SPRYD4: variants seen among roughly 807,000 people sequenced by gnomAD.
SPRYD4 encodes SPRY domain-containing protein 4.
SPRYD4 carries 12 observed loss-of-function variants against 16.6 expected under a neutral mutation model. That is an observed-to-expected ratio of 0.72 (90% CI 0.46 to 1.17). The LOEUF is 1.17. Ranked by LOEUF, SPRYD4 falls within the 50% of genes most tolerant of loss-of-function variation. The pLI is 0.00. For synonymous variants in SPRYD4, 98 were observed against 105.4 expected (o/e 0.93, Z 0.43); for missense variants, 260 against 260.2 (o/e 1.00, Z 0.00).
In SPRYD4 at chr12:56,471,941, T is replaced by G; in HGVS notation, c.*2364T>G. On this transcript the variant is annotated 3_prime_UTR_variant, in exon 2 of 2. Coordinates refer to ENST00000338146, the MANE Select transcript of SPRYD4 (RefSeq NM_207344.4). ...TACCAAGAGGGGAGGGGAAAAGGCC[T>G]CTTCCCATTTTGTACCCTGCAGCAC... is the stretch of plus-strand genomic sequence containing the variant. The G allele has an allele frequency of 7.4e-7, 1 of 1,350,398 alleles. No homozygotes were observed. The highest frequency in any genetic ancestry group is 1.1e-6 in the Non-Finnish European group (1 of 944,950). The allele number at this position is 1,350,398 out of a possible 1,614,324, so 83.7% of individuals were successfully genotyped here. A position where few individuals can be genotyped will look rare whatever the true frequency, so the allele number is the denominator to read the frequency against.
Position 56,473,077 on chromosome 12 carries a change from G to T in SPRYD4, c.*3500G>T, listed in dbSNP as rs1869452687. 4 of 705,968 alleles carry T rather than the reference G, an allele frequency of 5.7e-6. No homozygotes were observed. Among genetic ancestry groups the T allele is most frequent in the Non-Finnish European group, 9.4e-6 (4 of 425,556 alleles). 43.7% of individuals were successfully genotyped at this position (705,968 alleles called of 1,614,324 possible). On this transcript the variant is annotated 3_prime_UTR_variant, in exon 2 of 2. Transcript: ENST00000338146. ...GCTAATTTTTTGTATTTTCAATAGAGACCAGGTTTCACCGTGTTAGCCAGG... is the reference window on the plus strand; with the variant it reads ...GCTAATTTTTTGTATTTTCAATAGATACCAGGTTTCACCGTGTTAGCCAGG...
chr12:56,470,645 A>C lies in SPRYD4; in HGVS notation c.*1068A>C, dbSNP rs1003160316. On this transcript the variant is annotated 3_prime_UTR_variant, in exon 2 of 2. Transcript: ENST00000338146. ...CGGCCAAAACTGTTTATTCTTGAGA[A>C]GTTCCATCTTCATTTCTGCCACAGT... The C allele has an allele frequency of 1.3e-5, 2 of 152,218 alleles. No homozygotes were observed. The highest frequency in any genetic ancestry group is 3.9e-4 in the East Asian group (2 of 5,190). The allele number at this position is 152,218 out of a possible 1,614,324, so 9.4% of individuals were successfully genotyped here.
Position 56,472,047 on chromosome 12 carries a change from T to C in SPRYD4, c.*2470T>C. On this transcript the variant is annotated 3_prime_UTR_variant, in exon 2 of 2. Transcript: ENST00000338146. ...CCTATAACCTTGAGGGCACATATAA[T>C]GAAGGTACTTTTGGTGAAAAAGAAA... The C allele has an allele frequency of 2.0e-6, 3 of 1,526,430 alleles. No homozygotes were observed. The highest frequency in any genetic ancestry group is 1.1e-5 in the South Asian group (1 of 87,704). 94.6% of individuals were successfully genotyped at this position (1,526,430 alleles called of 1,614,324 possible).
At position 56,472,004 on chromosome 12, in the gene SPRYD4, A is replaced by C; in HGVS notation, c.*2427A>C. 7.5e-7 allele frequency: 1 copy of C among 1,327,126 alleles called. No homozygotes were observed. The highest frequency in any genetic ancestry group is 1.1e-6 in the Non-Finnish European group (1 of 932,000). 82.2% of individuals were successfully genotyped at this position (1,327,126 alleles called of 1,614,324 possible). On this transcript the variant is annotated 3_prime_UTR_variant, in exon 2 of 2. Coordinates refer to ENST00000338146, the MANE Select transcript of SPRYD4 (RefSeq NM_207344.4). The stretch of plus-strand genomic sequence containing the variant: ...TAGCTGCAAACCGAAGGGTGTCTAG[A>C]TAAAACTAGTTGCTGCCCCTATAAC...
Position 56,475,531 on chromosome 12 carries a change from A to G in SPRYD4, c.*5954A>G, listed in dbSNP as rs1869727864. 2.3e-6 allele frequency: 3 copies of G among 1,327,574 alleles called. No individual in the cohort carries two copies. The highest frequency in any genetic ancestry group is 1.5e-5 in the African/African-American group (1 of 68,434). The allele number at this position is 1,327,574 out of a possible 1,614,324, so 82.2% of individuals were successfully genotyped here. On this transcript the variant is annotated 3_prime_UTR_variant, in exon 2 of 2. Coordinates refer to ENST00000338146, the MANE Select transcript of SPRYD4 (RefSeq NM_207344.4). Reference sequence around the variant, plus strand: ...AGTTCCCCTGGGATTTCTTCCTCCTAAGATTCTCTCTCCCCCATTCCTCTT... The same window carrying G: ...AGTTCCCCTGGGATTTCTTCCTCCTGAGATTCTCTCTCCCCCATTCCTCTT...
chr12:56,474,272 A>T lies in SPRYD4; in HGVS notation c.*4695A>T. ...CCCCGGCTAATTTTTTGTATTTAGT[A>T]GAGATGGGGTTTCACCATGTAGGTC... On this transcript the variant is annotated 3_prime_UTR_variant, in exon 2 of 2. Coordinates refer to ENST00000338146, the MANE Select transcript of SPRYD4 (RefSeq NM_207344.4). The T allele has an allele frequency of 2.4e-6, 1 of 416,162 alleles. No homozygotes were observed. Among genetic ancestry groups the T allele is most frequent in the South Asian group, 2.2e-5 (1 of 46,292 alleles). 25.8% of individuals were successfully genotyped at this position (416,162 alleles called of 1,614,324 possible).
At position 56,479,432 on chromosome 12, in the gene SPRYD4, G is replaced by A. The variant is rs1870108047; in HGVS notation, c.*9855G>A. ...AAAAAAATAAATACCAGAATAATATGTATGTATGTTACCTTGATATTTAAA... is the reference window on the plus strand; with the variant it reads ...AAAAAAATAAATACCAGAATAATATATATGTATGTTACCTTGATATTTAAA... On this transcript the variant is annotated 3_prime_UTR_variant, in exon 2 of 2. Transcript: ENST00000338146. 5 of 443,288 alleles carry A rather than the reference G, an allele frequency of 1.1e-5. No individual in the cohort carries two copies. The highest frequency in any genetic ancestry group is 4.7e-5 in the South Asian group (1 of 21,326). 27.5% of individuals were successfully genotyped at this position (443,288 alleles called of 1,614,324 possible).
Position 56,472,358 on chromosome 12 carries a change from T to G in SPRYD4, c.*2781T>G. The G allele has an allele frequency of 1.6e-6, 1 of 635,552 alleles. No homozygotes were observed. The highest frequency in any genetic ancestry group is 2.8e-6 in the Non-Finnish European group (1 of 361,896). The allele number at this position is 635,552 out of a possible 1,614,324, so 39.4% of individuals were successfully genotyped here. ...TCTTTTTTCCATATCCAGATGAGAC[T>G]GTTATACTCATATTAGAGAGATGGG... On this transcript the variant is annotated 3_prime_UTR_variant, in exon 2 of 2. Coordinates refer to ENST00000338146, the MANE Select transcript of SPRYD4 (RefSeq NM_207344.4).
In SPRYD4 at chr12:56,471,868, G is replaced by A. The variant is rs1450695565; in HGVS notation, c.*2291G>A. ...ATATGGGCAGAAGGAAAATGAGAAG[G>A]CGCAGGTCTTGAACCCTTTGGTGCA... is the stretch of plus-strand genomic sequence containing the variant. On this transcript the variant is annotated 3_prime_UTR_variant, in exon 2 of 2. Coordinates refer to ENST00000338146, the MANE Select transcript of SPRYD4 (RefSeq NM_207344.4). 21 of 1,607,574 alleles carry A rather than the reference G, an allele frequency of 1.3e-5. No individual in the cohort carries two copies. The highest frequency in any genetic ancestry group is 1.8e-5 in the Non-Finnish European group (21 of 1,174,942).
chr12:56,468,936 C>G (rs138855722), intron 1 of SPRYD4, 103 bp from the exon 2 acceptor site: 29,898 of 1,403,186 alleles, frequency 0.021, 446 homozygotes, highest in Non-Finnish European at 0.027. Context: ...TGACTCTTCC[C>G]TAGTTGCTCG....
In SPRYD4 at chr12:56,477,583, G is replaced by T; in HGVS notation, c.*8006G>T. 7.0e-7 allele frequency: 1 copy of T among 1,435,638 alleles called. No homozygotes were observed. Among genetic ancestry groups the T allele is most frequent in the Non-Finnish European group, 9.6e-7 (1 of 1,039,780 alleles). The allele number at this position is 1,435,638 out of a possible 1,614,324, so 88.9% of individuals were successfully genotyped here. On this transcript the variant is annotated 3_prime_UTR_variant, in exon 2 of 2. Coordinates refer to ENST00000338146, the MANE Select transcript of SPRYD4 (RefSeq NM_207344.4). ...AGAGCCCCACCAGTCTCCCTGGAGA[G>T]CTGAACAAATATGAGGGATACAGGA...
In SPRYD4 at chr12:56,469,390, G is replaced by T. The variant is rs1869141430; in HGVS notation, c.437G>T (p.Gly146Val). The T allele has an allele frequency of 6.2e-7, 1 of 1,614,118 alleles. No individual in the cohort carries two copies. Among genetic ancestry groups the T allele is most frequent in the South Asian group, 1.1e-5 (1 of 91,062 alleles). ...GAGAAAGCCCCAGTTGAGGGTATTG[G>T]GCAGCCAGAGAAGGTGGGGCTGTTG... The part of the protein sequence containing the change: ...ANEKAPVEGI[G>V]QPEKVGLLLE... The change falls in exon 2 of 2, where the codon GGG (glycine) becomes GTG (valine). Residue 146 changes from glycine (G) to valine (V), a missense_variant. Coordinates refer to ENST00000338146, the MANE Select transcript of SPRYD4 (RefSeq NM_207344.4).
Position 56,475,324 on chromosome 12 carries a change from A to T in SPRYD4, c.*5747A>T, listed in dbSNP as rs1869709453. Reference sequence around the variant, plus strand: ...AAAGTAAACCCAAACCAAACACCCCAAACTGTCTAGTCATCTAGGAAAACT... The same window carrying T: ...AAAGTAAACCCAAACCAAACACCCCTAACTGTCTAGTCATCTAGGAAAACT... On this transcript the variant is annotated 3_prime_UTR_variant, in exon 2 of 2. Transcript: ENST00000338146. The T allele has an allele frequency of 7.9e-7, 1 of 1,270,726 alleles. No individual in the cohort carries two copies. The highest frequency in any genetic ancestry group is 1.5e-5 in the South Asian group (1 of 66,916). The allele number at this position is 1,270,726 out of a possible 1,614,324, so 78.7% of individuals were successfully genotyped here. A position where few individuals can be genotyped will look rare whatever the true frequency, so the allele number is the denominator to read the frequency against.
Position 56,469,339 on chromosome 12 carries a change from G to T in SPRYD4, c.386G>T (p.Arg129Leu). The T allele has an allele frequency of 6.2e-7, 1 of 1,614,168 alleles. No homozygotes were observed. Among genetic ancestry groups the T allele is most frequent in the Non-Finnish European group, 8.5e-7 (1 of 1,180,026 alleles). ...DRSWVFTYAQ[R>L]KWYTMLANEK... ...TCCTGGGTGTTCACCTATGCCCAGC[G>T]CAAGTGGTACACCATGTTGGCCAAC... The change falls in exon 2 of 2, where the codon CGC becomes CTC. Residue 129 changes from arginine (R) to leucine (L), a missense_variant. Arg to Leu is a moderately radical substitution (Grantham distance 102). Transcript: ENST00000338146.
In SPRYD4 at chr12:56,478,085, C is replaced by T; in HGVS notation, c.*8508C>T. 1 of 1,613,884 alleles carries T rather than the reference C, an allele frequency of 6.2e-7. No homozygotes were observed. Among genetic ancestry groups the T allele is most frequent in the Non-Finnish European group, 8.5e-7 (1 of 1,179,844 alleles). ...CAGGCAGAAGGGGATCTTTGTGTGG[C>T]CCACAGAGTGCCTGGAGGCAGACAG... On this transcript the variant is annotated 3_prime_UTR_variant, in exon 2 of 2. Coordinates refer to ENST00000338146, the MANE Select transcript of SPRYD4 (RefSeq NM_207344.4).
At position 56,472,294 on chromosome 12, in the gene SPRYD4, G is replaced by T. The variant is rs560750300; in HGVS notation, c.*2717G>T. The T allele has an allele frequency of 9.1e-7, 1 of 1,093,542 alleles. No individual in the cohort carries two copies. Among genetic ancestry groups the T allele is most frequent in the South Asian group, 1.3e-5 (1 of 77,152 alleles). 67.7% of individuals were successfully genotyped at this position (1,093,542 alleles called of 1,614,324 possible). A position where few individuals can be genotyped will look rare whatever the true frequency, so the allele number is the denominator to read the frequency against. The stretch of plus-strand genomic sequence containing the variant: ...TCAGACTGGATGAGTTTCAGAGAAA[G>T]TGAAACAGCCTATAGCCAGATTTGT... On this transcript the variant is annotated 3_prime_UTR_variant, in exon 2 of 2. Coordinates refer to ENST00000338146, the MANE Select transcript of SPRYD4 (RefSeq NM_207344.4).
In SPRYD4 at chr12:56,477,807, T is replaced by A; in HGVS notation, c.*8230T>A. ...ACTTTGTGGGTTAGACAAGAAAGAC[T>A]GCTAGGGAGAAAGGCATGACAGGGC... On this transcript the variant is annotated 3_prime_UTR_variant, in exon 2 of 2. Coordinates refer to ENST00000338146, the MANE Select transcript of SPRYD4 (RefSeq NM_207344.4). 6.5e-7 allele frequency: 1 copy of A among 1,545,234 alleles called. No individual in the cohort carries two copies. The highest frequency in any genetic ancestry group is 1.2e-5 in the South Asian group (1 of 84,578).
At position 56,475,899 on chromosome 12, in the gene SPRYD4, TGCCATGGCGAAATGCA is replaced by T; in HGVS notation, c.*6327_*6342del. 6.2e-7 allele frequency: 1 copy of T among 1,606,872 alleles called. No homozygotes were observed. Among genetic ancestry groups the T allele is most frequent in the Non-Finnish European group, 8.5e-7 (1 of 1,173,670 alleles). On this transcript the variant is annotated 3_prime_UTR_variant, in exon 2 of 2. Coordinates refer to ENST00000338146, the MANE Select transcript of SPRYD4 (RefSeq NM_207344.4). ...ACTGGGGCAGCTGGAGAGGACAGCA[TGCCATGGCGAAATGCA>T]GCCAGGGGCTAAGTAGCAAGGGAAC...
At position 56,475,250 on chromosome 12, in the gene SPRYD4, T is replaced by C. The variant is rs569289090; in HGVS notation, c.*5673T>C. ...CCCTTTATAACTTCTCACAGTAATA[T>C]TAGAGGAAATTTCTGAACCTGAGCA... is the stretch of plus-strand genomic sequence containing the variant. On this transcript the variant is annotated 3_prime_UTR_variant, in exon 2 of 2. Coordinates refer to ENST00000338146, the MANE Select transcript of SPRYD4 (RefSeq NM_207344.4). The C allele has an allele frequency of 1.8e-4, 277 of 1,571,410 alleles. No individual in the cohort carries two copies. In the African/African-American group the frequency reaches 3.4e-3, roughly 19 times the overall value.
Sources: allele counts gnomAD v4.1 joint callset, GRCh38; gene constraint gnomAD v4.1.1; transcripts MANE v1.5; gene names NCBI Gene and HGNC (gene_info 2026-07-23, HGNC 2026-07-21).